The following NPAS3 variants were observed in gnomAD, a reference collection of about 807,000 sequenced individuals.
NPAS3 encodes neuronal PAS domain protein 3.
NPAS3 carries 14 observed loss-of-function variants against 73.1 expected under a neutral mutation model. The observed-to-expected ratio is 0.19, with a 90% confidence interval of 0.13 to 0.30. The LOEUF (loss-of-function observed/expected upper bound fraction) is 0.30. Ranked by LOEUF, NPAS3 falls within the 10% of genes least tolerant of loss-of-function variation. NPAS3 has a pLI of 1.00. For missense variants in NPAS3, 1,096 were observed against 1,250.0 expected (o/e 0.88, Z 1.86); for synonymous variants, 620 against 541.5 (o/e 1.14, Z -2.01).
chr14:33,393,430 A>C (rs972067770), intron 4 of NPAS3, among the ~76,000 whole-genome samples: 2 of 152,148 alleles, frequency 1.3e-5, no homozygotes, highest in Non-Finnish European at 2.9e-5. Context: ...TACTTCATGC[A>C]TGTTTCCTTG....
intron 5 of NPAS3, among the ~76,000 whole-genome samples, chr14:33,588,917 G>T (rs971136880): frequency 2.6e-5 from 4 of 152,128 alleles, no homozygotes; most frequent in African/African-American, 9.7e-5. Flanking sequence ...CACTGCACCT[G>T]GCCCATAGAT....
chr14:33,722,821 A>T (rs1423175341), intron 6 of NPAS3, among the ~76,000 whole-genome samples: 1 of 152,186 alleles, frequency 6.6e-6, no homozygotes, highest in Non-Finnish European at 1.5e-5. Context: ...TCAATTCTTT[A>T]TTGATGATGG....
chr14:33,143,617 CATT>C (rs1001378686), intron 2 of NPAS3, among the ~76,000 whole-genome samples: 33 of 152,126 alleles, frequency 2.2e-4, no homozygotes, highest in African/African-American at 7.2e-4. Context: ...AATTTAGTGG[CATT>C]AGTATACTCA....
intron 6 of NPAS3, among the ~76,000 whole-genome samples, chr14:33,717,700 C>G (rs2060995281): frequency 6.6e-6 from 1 of 151,984 alleles, no homozygotes; most frequent in East Asian, 1.9e-4. Context: ...TTACAATGAC[C>G]ACATCTAGAT....
At chr14:33,171,801 C>T (rs1237583128) in intron 2 of NPAS3, among the ~76,000 whole-genome samples, 3 of 152,176 alleles carry the variant, frequency 2.0e-5, no homozygotes, top group Non-Finnish European at 4.4e-5. Context: ...TAGCTTTTGG[C>T]CTATCTTGCT....
rs1160570437 is a variant in NPAS3 at position 33,462,321 on chromosome 14, A to T, written c.468+95053A>T. Among the ~76,000 whole-genome samples the T allele has an allele frequency of 3.3e-5, 5 of 152,124 alleles. No individual in the cohort carries two copies. In the East Asian group the frequency reaches 9.7e-4, roughly 29 times the overall value. ...ATGATAGTCATTATTGCTGCTGGCA[A>T]ACCTCTGGTTCTCGTCTCCTTCTGG... On this transcript the variant is annotated intron_variant, in intron 4 of 11. Coordinates refer to ENST00000356141, the Ensembl canonical transcript of NPAS3.
chr14:33,004,561 G>T (rs980174262), intron 1 of NPAS3, among the ~76,000 whole-genome samples: 1 of 151,940 alleles, frequency 6.6e-6, no homozygotes, highest in African/African-American at 2.4e-5. Context: ...AAGGCCTAGG[G>T]CATTATTGTA....
intron 1 of NPAS3, among the ~76,000 whole-genome samples, chr14:32,972,121 G>A (rs2037457636): frequency 6.6e-6 from 1 of 151,734 alleles, no homozygotes; most frequent in Non-Finnish European, 1.5e-5. Flanking sequence ...TGTATTTTTA[G>A]TGGAGACAGA....
chr14:33,385,946 G>A (rs1296088235), intron 4 of NPAS3, among the ~76,000 whole-genome samples: 1 of 152,184 alleles, frequency 6.6e-6, no homozygotes, highest in African/African-American at 2.4e-5. Flanking sequence ...TACTATGAGT[G>A]AAAGGTTTTG....
intron 5 of NPAS3, among the ~76,000 whole-genome samples, chr14:33,621,769 AAAG>A (rs1157535589): frequency 6.6e-6 from 1 of 152,202 alleles, no homozygotes; most frequent in Non-Finnish European, 1.5e-5. Context: ...TAAAAAAATG[AAAG>A]AAGAAAAAAA....
At chr14:32,939,623 C>CAAAAAAAAAAAAAA (rs752795909) in intron 1 of NPAS3, among the ~76,000 whole-genome samples, 1 of 110,292 alleles carries the variant, frequency 9.1e-6, no homozygotes, top group Non-Finnish European at 1.8e-5. Context: ...GACTCACTGA[C>CAAAAAAAAAAAAAA]AAAAAAAAAA....
chr14:33,172,198 C>A (rs1021545433), intron 2 of NPAS3, among the ~76,000 whole-genome samples: 1 of 152,178 alleles, frequency 6.6e-6, no homozygotes, highest in Admixed American at 6.5e-5. Flanking sequence ...TGAGTGAGCA[C>A]ACGCTGTTGG....
intron 1 of NPAS3, among the ~76,000 whole-genome samples, chr14:33,041,346 G>A (rs962539548): frequency 1.7e-4 from 26 of 152,118 alleles, no homozygotes; most frequent in African/African-American, 6.0e-4. Context: ...TATTTATGAA[G>A]GTAATAACAC....
chr14:33,359,028 ACT>A, intron 3 of NPAS3, among the ~76,000 whole-genome samples: 1 of 152,190 alleles, frequency 6.6e-6, no homozygotes, highest in East Asian at 1.9e-4. Context: ...GCTTCACACA[ACT>A]CTTTATGTTG....
At chr14:33,660,779 A>G (rs761592938) in intron 5 of NPAS3, among the ~76,000 whole-genome samples, 1 of 152,178 alleles carries the variant, frequency 6.6e-6, no homozygotes, top group Non-Finnish European at 1.5e-5. Flanking sequence ...AAAATGGGAA[A>G]TCATCTATGA....
At chr14:33,359,963 C>T (rs1462871961) in intron 3 of NPAS3, among the ~76,000 whole-genome samples, 1 of 152,174 alleles carries the variant, frequency 6.6e-6, no homozygotes, top group African/African-American at 2.4e-5. Context: ...AAAACTAGAA[C>T]CTGGAGATAG....
chr14:33,215,627 A>C (rs1480687247), intron 3 of NPAS3: 4 of 725,178 alleles, frequency 5.5e-6, no homozygotes, highest in Non-Finnish European at 7.5e-6. Context: ...ATTTTCAAAA[A>C]GTCTATCAGC....
upstream of NPAS3, among the ~76,000 whole-genome samples, chr14:32,938,485 T>TGAGAGAGAGAGAGAGAGAGAG (rs1491191135): frequency 4.6e-5 from 1 of 21,750 alleles, no homozygotes; most frequent in African/African-American, 2.7e-4. Context: ...GAGAGAGAAA[T>TGAGAGAGAGAGAGAGAGAGAG]TGAGAGAGAG....
At chr14:33,724,271 T>C (rs1187905378) in intron 6 of NPAS3, among the ~76,000 whole-genome samples, 2 of 152,072 alleles carry the variant, frequency 1.3e-5, no homozygotes, top group East Asian at 3.9e-4. Flanking sequence ...AACATAAATA[T>C]GTGATTCATT....
Sources: allele counts gnomAD v4.1 joint callset (sites outside exome capture counted in the v4.1 genomes callset), GRCh38; gene constraint gnomAD v4.1.1; transcripts MANE v1.5; gene names NCBI Gene and HGNC (gene_info 2026-07-23, HGNC 2026-07-21).